Variants in PHF20 observed in about 807,000 individuals in gnomAD.
The protein encoded by PHF20 is glioma-expressed antigen 2.
PHF20 carries 23 observed loss-of-function variants against 113.5 expected under a neutral mutation model. The ratio of observed to expected loss-of-function variants is 0.20; its 90% CI spans 0.15 to 0.29. The LOEUF (loss-of-function observed/expected upper bound fraction) is 0.29. Ranked by LOEUF, PHF20 falls within the 10% of genes least tolerant of loss-of-function variation. PHF20 has a pLI of 1.00. For synonymous variants in PHF20, 434 were observed against 457.3 expected (o/e 0.95, Z 0.65); for missense variants, 943 against 1,219.6 (o/e 0.77, Z 3.38).
At chr20:35,947,355 ATGGAGG>A in intron 17 of PHF20, 124 bp from the exon 18 acceptor site, 2 of 841,192 alleles carry the variant, frequency 2.4e-6, no homozygotes, top group South Asian at 2.2e-5. Context: ...CCCTTGCCCC[ATGGAGG>A]CTGAAATGGC....
At chr20:35,832,526 C>T (rs1346551817) in intron 2 of PHF20, among the ~76,000 whole-genome samples, 2 of 152,108 alleles carry the variant, frequency 1.3e-5, no homozygotes, top group African/African-American at 2.4e-5. Flanking sequence ...GAAACTGACA[C>T]AGACTGGAAA....
intron 1 of PHF20, among the ~76,000 whole-genome samples, chr20:35,778,713 A>C (rs2041223697): frequency 6.7e-6 from 1 of 150,124 alleles, no homozygotes; most frequent in African/African-American, 2.5e-5. Flanking sequence ...AGATTACACC[A>C]CTGCGCTTCA....
intron 8 of PHF20, 137 bp from the exon 9 acceptor site, chr20:35,871,509 GAACC>G (rs2054421111): frequency 1.5e-6 from 1 of 651,396 alleles, no homozygotes; most frequent in East Asian, 3.0e-5. Context: ...GTATGTATGG[GAACC>G]TGTGAATGTA....
intron 9 of PHF20, among the ~76,000 whole-genome samples, chr20:35,872,625 A>G (rs2042136571): frequency 6.6e-6 from 1 of 152,190 alleles, no homozygotes; most frequent in Non-Finnish European, 1.5e-5. Context: ...GTTCAATTTA[A>G]TATATCTTGT....
At chr20:35,929,584 G>A (rs1019200264) in intron 14 of PHF20, among the ~76,000 whole-genome samples, 6 of 152,244 alleles carry the variant, frequency 3.9e-5, no homozygotes, top group African/African-American at 1.4e-4. Flanking sequence ...TGCCTCTGGG[G>A]TTCCCCCATA....
chr20:35,790,396 T>A (rs2041520974), intron 1 of PHF20, among the ~76,000 whole-genome samples: 1 of 151,886 alleles, frequency 6.6e-6, no homozygotes, highest in South Asian at 2.1e-4. Context: ...AGGCGGGATT[T>A]CACCATGTTG....
chr20:35,945,128 C>T (rs1289962223), intron 17 of PHF20, among the ~76,000 whole-genome samples: 1 of 152,128 alleles, frequency 6.6e-6, no homozygotes, highest in Non-Finnish European at 1.5e-5. Context: ...CAAATACCAA[C>T]AAGAAATATG....
intron 1 of PHF20, among the ~76,000 whole-genome samples, chr20:35,800,773 A>G (rs1250404155): frequency 6.6e-6 from 1 of 152,176 alleles, no homozygotes; most frequent in African/African-American, 2.4e-5. Context: ...CTGTCTCAAA[A>G]AATAAATAAA....
rs376553583 is a variant in PHF20 at position 35,841,310 on chromosome 20, T to C, written c.84-1263T>C. On this transcript the variant is annotated intron_variant, in intron 2 of 17. Coordinates refer to ENST00000374012, the MANE Select transcript of PHF20 (RefSeq NM_016436.5). ...GTGAGCCGAGATCACGCCACTGTAC[T>C]TCGGCCTGGGTGACAGAGTGAGACC... is the stretch of plus-strand genomic sequence containing the variant. 1.4e-4 allele frequency among the ~76,000 whole-genome samples: 21 copies of C among 152,186 alleles called. No homozygotes were observed. In the East Asian group the frequency reaches 2.9e-3, roughly 21 times the overall value.
intron 4 of PHF20, among the ~76,000 whole-genome samples, chr20:35,854,649 T>TATCTTC (rs1327828175): frequency 1.7e-4 from 26 of 152,274 alleles, no homozygotes; most frequent in African/African-American, 6.3e-4. Flanking sequence ...GTTAAAAGGA[T>TATCTTC]CAAAGACCGA....
At chr20:35,849,230 TA>T (rs1229052834) in intron 4 of PHF20, among the ~76,000 whole-genome samples, 1 of 152,050 alleles carries the variant, frequency 6.6e-6, no homozygotes, top group African/African-American at 2.4e-5. Context: ...GAAGGAAAGC[TA>T]GCCTTTGTAG....
At chr20:35,864,188 T>G (rs117737243) in intron 6 of PHF20, among the ~76,000 whole-genome samples, 18 of 152,286 alleles carry the variant, frequency 1.2e-4, no homozygotes, top group Non-Finnish European at 1.0e-4. Context: ...TGTGTTCAGT[T>G]GAAAAACTGT....
At chr20:35,776,825 T>C (rs1387189612) in intron 1 of PHF20, among the ~76,000 whole-genome samples, 1 of 152,230 alleles carries the variant, frequency 6.6e-6, no homozygotes, top group Non-Finnish European at 1.5e-5. Context: ...GCTATGGGCC[T>C]GCTTCTCCCC....
chr20:35,810,408 G>C (rs1223230000), intron 2 of PHF20, among the ~76,000 whole-genome samples: 1 of 152,050 alleles, frequency 6.6e-6, no homozygotes, highest in Non-Finnish European at 1.5e-5. Context: ...GCCCACCTTT[G>C]AGTGACGCCT....
chr20:35,825,097 A>G (rs147223822), intron 2 of PHF20, among the ~76,000 whole-genome samples: 86 of 152,322 alleles, frequency 5.6e-4, no homozygotes, highest in African/African-American at 1.9e-3. Flanking sequence ...GTCAGATCAT[A>G]TGGTAATTCT....
chr20:35,914,208 T>A lies in PHF20; in HGVS notation c.1825+11T>A. 1 of 1,611,716 alleles carries A rather than the reference T, an allele frequency of 6.2e-7. No individual in the cohort carries two copies. The highest frequency in any genetic ancestry group is 8.5e-7 in the Non-Finnish European group (1 of 1,178,118). On this transcript the variant is annotated intron_variant, in intron 12 of 17. Coordinates refer to ENST00000374012, the MANE Select transcript of PHF20 (RefSeq NM_016436.5). ...AAGTGAAAGCATTGGGTAAGGAGGC[T>A]CTTCTGTCCTGATCATTTGCTGATC... is the stretch of plus-strand genomic sequence containing the variant.
chr20:35,888,339 G>A (rs895737116), intron 9 of PHF20, among the ~76,000 whole-genome samples: 4 of 152,074 alleles, frequency 2.6e-5, no homozygotes, highest in Non-Finnish European at 4.4e-5. Context: ...ACATACCAAA[G>A]TATAGTAGTA....
intron 10 of PHF20, among the ~76,000 whole-genome samples, chr20:35,903,079 T>TTC (rs1555799696): frequency 3.5e-5 from 5 of 142,002 alleles, no homozygotes; most frequent in South Asian, 2.2e-4. Flanking sequence ...TATCCTTTCT[T>TTC]TTTTTTTTTT....
At chr20:35,803,291 A>G (rs905464150) in intron 2 of PHF20, among the ~76,000 whole-genome samples, 1 of 150,952 alleles carries the variant, frequency 6.6e-6, no homozygotes, top group African/African-American at 2.4e-5. Context: ...ATAATTAGGT[A>G]ATTAGGTACA....
Sources: gnomAD v4.1 joint callset for allele counts (sites outside exome capture counted in the v4.1 genomes callset) on GRCh38, gnomAD v4.1.1 for gene constraint, MANE v1.5 for transcripts, NCBI Gene and HGNC (gene_info 2026-07-23, HGNC 2026-07-21) for gene names.